Variants in AFG1L observed in about 807,000 individuals in gnomAD.
AFG1L encodes the protein AFG1 like ATPase.
Under a neutral mutation model 62.2 loss-of-function variants are expected in AFG1L, and 53 were observed. The observed-to-expected ratio is 0.85, with a 90% CI of 0.68 to 1.07. The LOEUF (loss-of-function observed/expected upper bound fraction) is 1.07. Among genes scored for constraint, AFG1L ranks in the 50% least tolerant of loss-of-function variants. The pLI is 0.00. For missense variants in AFG1L, 555 were observed against 590.5 expected (o/e 0.94, Z 0.62); for synonymous variants, 228 against 210.3 (o/e 1.08, Z -0.73).
At chr6:108,338,395 G>A (rs1489970282) in intron 2 of AFG1L, among the ~76,000 whole-genome samples, 2 of 152,200 alleles carry the variant, frequency 1.3e-5, no homozygotes, top group African/African-American at 4.8e-5. Context: ...GATCAAATAA[G>A]TTTAGGAAAT....
intron 6 of AFG1L, chr6:108,387,575 T>C (rs17069546): frequency 0.041 from 6,266 of 152,368 alleles, 214 homozygotes; most frequent in South Asian, 0.1. Context: ...TATGGTGGCT[T>C]GTGGAAGACA....
intron 6 of AFG1L, among the ~76,000 whole-genome samples, chr6:108,400,686 TA>T (rs1413779363): frequency 2.9e-4 from 26 of 88,932 alleles, no homozygotes; most frequent in African/African-American, 6.8e-4. Flanking sequence ...ATATATTATA[TA>T]ATTATATATA....
rs1490508299 is a variant in AFG1L at position 108,503,271 on chromosome 6, G to T, written c.1063-6941G>T. ...ATTAACTTAGCCCAGATCCATCACA[G>T]GAATCGCTATATGTGGCAGCTATGG... On this transcript the variant is annotated intron_variant, in intron 10 of 12. Coordinates refer to ENST00000368977, the MANE Select transcript of AFG1L (RefSeq NM_145315.5). Among the ~76,000 whole-genome samples the T allele has an allele frequency of 3.3e-5, 5 of 152,132 alleles. 1 individual carries two copies. Among genetic ancestry groups the T allele is most frequent in the African/African-American group, 1.2e-4 (5 of 41,420 alleles).
intron 7 of AFG1L, among the ~76,000 whole-genome samples, chr6:108,425,416 ATG>A (rs374947584): frequency 4.0e-5 from 6 of 150,732 alleles, no homozygotes; most frequent in East Asian, 1.9e-4. Flanking sequence ...TAAATAGTGT[ATG>A]TGTGTGTGTG....
intron 6 of AFG1L, chr6:108,387,574 T>C (rs1414171438): frequency 2.0e-5 from 3 of 152,306 alleles, no homozygotes; most frequent in African/African-American, 7.2e-5. Flanking sequence ...GTATGGTGGC[T>C]TGTGGAAGAC....
chr6:108,371,653 C>G (rs1465766808), intron 6 of AFG1L, among the ~76,000 whole-genome samples: 1 of 151,962 alleles, frequency 6.6e-6, no homozygotes, highest in Non-Finnish European at 1.5e-5. Context: ...GCTTGAGTCC[C>G]TGTGCCTGGC....
intron 7 of AFG1L, among the ~76,000 whole-genome samples, chr6:108,421,515 T>C (rs1770588718): frequency 6.6e-6 from 1 of 152,094 alleles, no homozygotes; most frequent in Non-Finnish European, 1.5e-5. Flanking sequence ...AAAAAAACCC[T>C]AGTGGTGAAA....
intron 6 of AFG1L, among the ~76,000 whole-genome samples, chr6:108,373,829 C>T (rs972248659): frequency 1.3e-5 from 2 of 152,078 alleles, no homozygotes; most frequent in African/African-American, 4.8e-5. Flanking sequence ...CCACTTGCCT[C>T]GGCCTCCCAA....
At chr6:108,408,193 G>C (rs1195387995) in intron 7 of AFG1L, among the ~76,000 whole-genome samples, 2 of 151,180 alleles carry the variant, frequency 1.3e-5, no homozygotes, top group African/African-American at 2.4e-5. Context: ...GTGGCGTGAG[G>C]CTTATTTTTA....
intron 7 of AFG1L, among the ~76,000 whole-genome samples, chr6:108,443,128 T>C (rs1771617667): frequency 6.6e-6 from 1 of 152,122 alleles, no homozygotes; most frequent in Non-Finnish European, 1.5e-5. Context: ...TCTCTCCTGG[T>C]TTCTGTAGGT....
At chr6:108,496,369 A>G (rs960879927) in intron 10 of AFG1L, among the ~76,000 whole-genome samples, 2 of 152,150 alleles carry the variant, frequency 1.3e-5, no homozygotes, top group Non-Finnish European at 2.9e-5. Context: ...TTATTTATTC[A>G]TTAATTGTGT....
At chr6:108,482,195 C>CT (rs1483130518) in intron 10 of AFG1L, among the ~76,000 whole-genome samples, 10 of 151,624 alleles carry the variant, frequency 6.6e-5, no homozygotes, top group Non-Finnish European at 1.3e-4. Context: ...TTCCAATAAC[C>CT]AATGCTTGCT....
At chr6:108,484,899 A>G (rs1369202775) in intron 10 of AFG1L, among the ~76,000 whole-genome samples, 2 of 152,208 alleles carry the variant, frequency 1.3e-5, no homozygotes, top group East Asian at 3.8e-4. Flanking sequence ...TTCCAAAGAA[A>G]TCACTGTATA....
chr6:108,409,948 G>A (rs1782026622), intron 7 of AFG1L, among the ~76,000 whole-genome samples: 1 of 152,140 alleles, frequency 6.6e-6, no homozygotes, highest in Admixed American at 6.5e-5. Context: ...AGAAAGTTAG[G>A]TTGAAAGTCT....
chr6:108,420,529 T>C (rs1266882307), intron 7 of AFG1L, among the ~76,000 whole-genome samples: 1 of 151,216 alleles, frequency 6.6e-6, no homozygotes, highest in Admixed American at 6.6e-5. Context: ...TTATTTGTAA[T>C]GGTGTTTTTG....
At chr6:108,451,437 A>T (rs1016518501) in intron 8 of AFG1L, among the ~76,000 whole-genome samples, 48 of 152,236 alleles carry the variant, frequency 3.2e-4, no homozygotes, top group Non-Finnish European at 7.3e-5. Flanking sequence ...ACTAATTCAC[A>T]TAAGACATTG....
intron 7 of AFG1L, among the ~76,000 whole-genome samples, chr6:108,404,012 A>T (rs1435640880): frequency 1.3e-5 from 2 of 152,190 alleles, no homozygotes; most frequent in Non-Finnish European, 2.9e-5. Context: ...TATCTAATTT[A>T]TTCAAGAGAC....
chr6:108,460,070 C>CA (rs1340876221), intron 8 of AFG1L, among the ~76,000 whole-genome samples: 9 of 147,854 alleles, frequency 6.1e-5, no homozygotes, highest in African/African-American at 1.8e-4. Context: ...AAAGACAAAA[C>CA]AAAAAAAAAG....
At chr6:108,434,166 A>G (rs1771204703) in intron 7 of AFG1L, among the ~76,000 whole-genome samples, 1 of 152,238 alleles carries the variant, frequency 6.6e-6, no homozygotes, top group South Asian at 2.1e-4. Flanking sequence ...ACATGCATGT[A>G]ACATAGTACC....
Sources: allele counts gnomAD v4.1 joint callset (sites outside exome capture counted in the v4.1 genomes callset), GRCh38; gene constraint gnomAD v4.1.1; transcripts MANE v1.5; gene names NCBI Gene and HGNC (gene_info 2026-07-23, HGNC 2026-07-21).